The following WARS2 variants were observed in gnomAD, a reference collection of about 807,000 sequenced individuals.
WARS2 encodes the protein tryptophan--tRNA ligase, mitochondrial.
A neutral mutation model predicts 36.5 loss-of-function variants in WARS2; 28 were observed. That is an observed-to-expected ratio of 0.77 (90% CI 0.57 to 1.05). The LOEUF is 1.05. Among genes scored for constraint, WARS2 ranks in the 50% least tolerant of loss-of-function variants. WARS2 has a pLI of 0.00. For missense variants in WARS2, 435 were observed against 456.8 expected, an observed-to-expected ratio of 0.95 and a Z score of 0.44; for synonymous variants, 174 against 178.4, an observed-to-expected ratio of 0.98 and a Z score of 0.20.
At chr1:119,105,734 A>G (rs587710693) in intron 1 of WARS2, among the ~76,000 whole-genome samples, 13 of 152,350 alleles carry the variant, frequency 8.5e-5, no homozygotes, top group African/African-American at 3.1e-4. Context: ...CAACATGGCG[A>G]AACCCTGTCT....
intron 1 of WARS2, among the ~76,000 whole-genome samples, chr1:119,100,283 GA>G (rs1366547902): frequency 6.6e-6 from 1 of 152,090 alleles, no homozygotes; most frequent in Non-Finnish European, 1.5e-5. Context: ...AGAAAAGGTA[GA>G]AAATAATGGA....
Position 119,034,055 on chromosome 1 carries a change from G to A in WARS2, c.634+40C>T, listed in dbSNP as rs1647673167. ...TATCTATTGTCCAATCCTCTCTTTA[G>A]AATATACCCTGATGTAACAATTATA... On this transcript the variant is annotated intron_variant, in intron 5 of 5. Coordinates refer to ENST00000235521, the MANE Select transcript of WARS2 (RefSeq NM_015836.4). The A allele has an allele frequency of 1.9e-6, 3 of 1,559,248 alleles. No individual in the cohort carries two copies. The South Asian group carries it at 3.3e-5, about 17-fold the overall frequency.
At chr1:119,127,898 T>C (rs1655789551) in intron 1 of WARS2, among the ~76,000 whole-genome samples, 2 of 152,192 alleles carry the variant, frequency 1.3e-5, no homozygotes, top group Admixed American at 1.3e-4. Context: ...AAGGCCATTC[T>C]TTATAGCTCC....
At chr1:119,126,462 ACT>A in intron 1 of WARS2, 1 of 412,534 alleles carries the variant, frequency 2.4e-6, no homozygotes, top group Non-Finnish European at 4.4e-6. Flanking sequence ...TCATGGTAAC[ACT>A]CTGAGGTAGA....
At chr1:119,085,131 G>A (rs587666875) in intron 1 of WARS2, 19 of 782,652 alleles carry the variant, frequency 2.4e-5, no homozygotes, top group South Asian at 5.4e-5. Flanking sequence ...CCCGTTGTAC[G>A]GGCTAGAAAG....
At chr1:119,108,551 A>G (rs1446945079) in intron 1 of WARS2, among the ~76,000 whole-genome samples, 2 of 144,980 alleles carry the variant, frequency 1.4e-5, no homozygotes, top group African/African-American at 5.0e-5. Context: ...CATTTATGAT[A>G]TAAGTAATTT....
chr1:119,066,126 T>TA (rs921796408), intron 2 of WARS2, among the ~76,000 whole-genome samples: 29 of 150,020 alleles, frequency 1.9e-4, no homozygotes, highest in East Asian at 3.9e-4. Context: ...TTGGCTATAT[T>TA]AAAAAAAAAC....
intron 2 of WARS2, among the ~76,000 whole-genome samples, chr1:119,070,405 A>T (rs1297668020): frequency 1.3e-5 from 2 of 151,922 alleles, no homozygotes; most frequent in Non-Finnish European, 2.9e-5. Context: ...AGCTGGGACC[A>T]CAGGCGTGCG....
intron 2 of WARS2, among the ~76,000 whole-genome samples, chr1:119,074,965 G>C (rs1385281607): frequency 6.6e-6 from 1 of 152,048 alleles, no homozygotes; most frequent in Non-Finnish European, 1.5e-5. Flanking sequence ...CATATAGAGA[G>C]AAATGGCAGA....
At chr1:119,111,432 G>A (rs1476001486) in intron 1 of WARS2, among the ~76,000 whole-genome samples, 1 of 152,184 alleles carries the variant, frequency 6.6e-6, no homozygotes, top group East Asian at 1.9e-4. Flanking sequence ...AGAGGCTGAA[G>A]TTGGGAATCT....
chr1:119,076,667 C>T (rs1167528077), intron 1 of WARS2, 60 bp from the exon 2 acceptor site: 21 of 1,596,390 alleles, frequency 1.3e-5, no homozygotes, highest in Admixed American at 1.7e-5. Context: ...AATCCTATGC[C>T]CATGTTATCA....
At chr1:119,090,913 G>GT (rs2101405563) in intron 1 of WARS2, among the ~76,000 whole-genome samples, 2 of 152,088 alleles carry the variant, frequency 1.3e-5, no homozygotes, top group East Asian at 3.9e-4. Flanking sequence ...AATCGGCCTA[G>GT]TTTTTCGGCA....
chr1:119,072,586 C>G (rs1285042786), intron 2 of WARS2, among the ~76,000 whole-genome samples: 1 of 151,908 alleles, frequency 6.6e-6, no homozygotes, highest in Non-Finnish European at 1.5e-5. Flanking sequence ...ATGAACAAAT[C>G]AAAAGGCATA....
chr1:119,072,245 T>C (rs113609661), intron 2 of WARS2, among the ~76,000 whole-genome samples: 8 of 152,266 alleles, frequency 5.3e-5, no homozygotes, highest in South Asian at 2.1e-4. Context: ...ATTATGGCCA[T>C]TCTAAAGAAG....
At chr1:119,102,405 T>C (rs947291181) in intron 1 of WARS2, among the ~76,000 whole-genome samples, 4 of 152,216 alleles carry the variant, frequency 2.6e-5, no homozygotes, top group South Asian at 2.1e-4. Flanking sequence ...ACTTCGTACT[T>C]GCAAATATTT....
intron 5 of WARS2, 136 bp from the exon 6 acceptor site, chr1:119,033,495 G>T: frequency 9.3e-7 from 1 of 1,074,182 alleles, no homozygotes; most frequent in African/African-American, 1.6e-5. Context: ...GTGCAAATGT[G>T]ATATCCATTC....
At chr1:119,067,633 G>T (rs1650982332) in intron 2 of WARS2, among the ~76,000 whole-genome samples, 1 of 152,176 alleles carries the variant, frequency 6.6e-6, no homozygotes, top group South Asian at 2.1e-4. Flanking sequence ...ATTGTATATA[G>T]TGGAGGAGGG....
At chr1:119,136,062 G>A (rs587607593) in intron 1 of WARS2, among the ~76,000 whole-genome samples, 4 of 152,180 alleles carry the variant, frequency 2.6e-5, no homozygotes, top group African/African-American at 4.8e-5. Flanking sequence ...GTCAGCCACC[G>A]TGCTTGGCCA....
rs1647435999 is a variant in WARS2 at position 119,031,640 on chromosome 1, A to T, written c.*1271T>A. 1 of 152,206 alleles carries T rather than the reference A, an allele frequency of 6.6e-6. No homozygotes were observed. The highest frequency in any genetic ancestry group is 2.4e-5 in the African/African-American group (1 of 41,446). The allele number at this position is 152,206 out of a possible 1,614,324, so 9.4% of individuals were successfully genotyped here. A position where few individuals can be genotyped will look rare whatever the true frequency, so the allele number is the denominator to read the frequency against. On this transcript the variant is annotated 3_prime_UTR_variant, in exon 6 of 6. Transcript: ENST00000235521. ...TCTTGCTAACAGGTCTTGGTGTATAAGTTAGGATTATCATTTTCATTTTCA... is the reference window on the plus strand; with the variant it reads ...TCTTGCTAACAGGTCTTGGTGTATATGTTAGGATTATCATTTTCATTTTCA...
Sources: gnomAD v4.1 joint callset for allele counts (sites outside exome capture counted in the v4.1 genomes callset) on GRCh38, gnomAD v4.1.1 for gene constraint, MANE v1.5 for transcripts, NCBI Gene and HGNC (gene_info 2026-07-23, HGNC 2026-07-21) for gene names.